BCLAF3: variants seen among roughly 807,000 people sequenced by gnomAD.
The protein encoded by BCLAF3 is BCLAF1 and THRAP3 family member 3, also known as transient octamer binding factor 1.
Under a neutral mutation model 51.2 loss-of-function variants are expected in BCLAF3, and 24 were observed. The ratio of observed to expected loss-of-function variants is 0.47; its 90% CI spans 0.34 to 0.66. The LOEUF is 0.66. Ranked by LOEUF, BCLAF3 falls within the 30% of genes least tolerant of loss-of-function variation. The pLI is 0.01. For missense variants in BCLAF3, 465 were observed against 525.1 expected (o/e 0.89, Z 1.12); for synonymous variants, 152 against 176.6 (o/e 0.86, Z 1.10).
At chrX:19,939,991 C>G (rs1306112188) in intron 8 of BCLAF3, among the ~76,000 whole-genome samples, 2 of 111,969 alleles carry the variant, frequency 1.8e-5, no homozygotes, top group African/African-American at 6.5e-5. Flanking sequence ...TGAAAAAGTT[C>G]TGGAAGTAGA....
At chrX:19,938,060 C>A (rs1298505363) in intron 8 of BCLAF3, among the ~76,000 whole-genome samples, 4 of 111,232 alleles carry the variant, frequency 3.6e-5, no homozygotes. Flanking sequence ...AGCCTCCTCT[C>A]TCCCGTCATC....
chrX:19,988,654 C>A (rs762147650), intron 1 of BCLAF3, among the ~76,000 whole-genome samples: 1 of 111,995 alleles, frequency 8.9e-6, no homozygotes, highest in Non-Finnish European at 1.9e-5. Context: ...ACCAACAAGA[C>A]AAAGTGTGTC....
At chrX:19,953,293 C>T (rs909691604) in intron 6 of BCLAF3, among the ~76,000 whole-genome samples, 11 of 111,270 alleles carry the variant, frequency 9.9e-5, no homozygotes, top group African/African-American at 3.6e-4. Context: ...TCAAACTTTG[C>T]TCTGGTGATA....
At chrX:19,981,804 A>C (rs1245956941) in intron 1 of BCLAF3, among the ~76,000 whole-genome samples, 4 of 111,203 alleles carry the variant, frequency 3.6e-5, no homozygotes, top group African/African-American at 9.8e-5. Flanking sequence ...CCTTTATATG[A>C]AATGTCCAGA....
intron 10 of BCLAF3, among the ~76,000 whole-genome samples, chrX:19,933,458 A>G (rs976375094): frequency 9.0e-6 from 1 of 111,593 alleles, no homozygotes; most frequent in African/African-American, 3.2e-5. Context: ...AATAGTTAAC[A>G]AAACTAAGCA....
At chrX:19,987,605 C>A (rs1473589898) in intron 1 of BCLAF3, among the ~76,000 whole-genome samples, 2 of 112,373 alleles carry the variant, frequency 1.8e-5, no homozygotes, top group East Asian at 5.6e-4. Context: ...GTGCCCGGCA[C>A]CCCCAAACTG....
chrX:19,945,382 G>A lies in BCLAF3; in HGVS notation c.1745+5371C>T, dbSNP rs888900751. 5.6e-4 allele frequency among the ~76,000 whole-genome samples: 60 copies of A among 107,198 alleles called. No homozygotes were observed. The East Asian group carries it at 0.016, about 29-fold the overall frequency. 93.1% of individuals were successfully genotyped at this position (107,198 alleles called of 115,157 possible). A position where few individuals can be genotyped will look rare whatever the true frequency, so the allele number is the denominator to read the frequency against. On this transcript the variant is annotated intron_variant, in intron 8 of 11. Coordinates refer to ENST00000379682, the MANE Select transcript of BCLAF3 (RefSeq NM_001367774.2). Reference sequence around the variant, plus strand: ...TTAGAGTTTCCAGTTTTTCTGTTCTGTTTTTTCCCCATCTTTGTGGTTTTA... The same window carrying A: ...TTAGAGTTTCCAGTTTTTCTGTTCTATTTTTTCCCCATCTTTGTGGTTTTA...
chrX:19,925,415 A>G (rs1325607489), intron 11 of BCLAF3, among the ~76,000 whole-genome samples: 1 of 111,398 alleles, frequency 9.0e-6, no homozygotes, highest in African/African-American at 3.3e-5. Context: ...TTTAAGGCAT[A>G]TGGGAATAAA....
chrX:19,976,642 C>T lies in BCLAF3; in HGVS notation c.-34-6344G>A, dbSNP rs1332782758. Among the ~76,000 whole-genome samples the T allele has an allele frequency of 3.6e-5, 4 of 111,726 alleles. 1 individual carries two copies. The East Asian group carries it at 1.1e-3, about 31-fold the overall frequency. ...CTGACCTCAGGTGATCCACCTGCCTCAGTCTCCCAAAGTGCTGAGATTACA... is the reference window on the plus strand; with the variant it reads ...CTGACCTCAGGTGATCCACCTGCCTTAGTCTCCCAAAGTGCTGAGATTACA... On this transcript the variant is annotated intron_variant, in intron 1 of 11. Transcript: ENST00000379682.
chrX:19,917,112 A>T lies in BCLAF3; in HGVS notation c.*193T>A. 1 of 455,988 alleles carries T rather than the reference A, an allele frequency of 2.2e-6. No individual in the cohort carries two copies. Among genetic ancestry groups the T allele is most frequent in the South Asian group, 3.5e-5 (1 of 28,818 alleles). The allele number at this position is 455,988 out of a possible 1,213,427, so 37.6% of individuals were successfully genotyped here. A position where few individuals can be genotyped will look rare whatever the true frequency, so the allele number is the denominator to read the frequency against. On this transcript the variant is annotated 3_prime_UTR_variant, in exon 12 of 12. Transcript: ENST00000379682. The stretch of plus-strand genomic sequence containing the variant: ...GGAAACTGTAGTTAATACAACTTTT[A>T]AATTGAATACTGTAATTTAAAAGCA...
chrX:19,946,263 C>A (rs777093535), intron 8 of BCLAF3, among the ~76,000 whole-genome samples: 1 of 112,401 alleles, frequency 8.9e-6, no homozygotes, highest in Non-Finnish European at 1.9e-5. Flanking sequence ...AGCTGTAGAC[C>A]GGGGCTGTTC....
In BCLAF3 at chrX:19,917,200, A is replaced by G. The variant is rs1266303766; in HGVS notation, c.*105T>C. 7.1e-6 allele frequency: 5 copies of G among 701,165 alleles called. No individual in the cohort carries two copies. Among genetic ancestry groups the G allele is most frequent in the Non-Finnish European group, 1.1e-5 (5 of 457,326 alleles). The allele number at this position is 701,165 out of a possible 1,213,427, so 57.8% of individuals were successfully genotyped here. A position where few individuals can be genotyped will look rare whatever the true frequency, so the allele number is the denominator to read the frequency against. On this transcript the variant is annotated 3_prime_UTR_variant, in exon 12 of 12. Coordinates refer to ENST00000379682, the MANE Select transcript of BCLAF3 (RefSeq NM_001367774.2). Reference sequence around the variant, plus strand: ...AAAAAATAAAGTTATTTTATCAAGAAGTTACAGTATTAGTGCCTTAGTGTC... The same window carrying G: ...AAAAAATAAAGTTATTTTATCAAGAGGTTACAGTATTAGTGCCTTAGTGTC...
At position 19,964,920 on chromosome X, in the gene BCLAF3, A is replaced by G. The variant is rs774954726; in HGVS notation, c.1274+124T>C. 4.8e-4 allele frequency: 269 copies of G among 565,297 alleles called. 1 individual carries two copies. The highest frequency in any genetic ancestry group is 2.1e-3 in the African/African-American group (85 of 40,405). The allele number at this position is 565,297 out of a possible 1,213,427, so 46.6% of individuals were successfully genotyped here. On this transcript the variant is annotated intron_variant, in intron 4 of 11. Transcript: ENST00000379682. ...CTACAGGGCTTTTTTTTTGGGGGGG[A>G]AAATTCTTGGCAATCCCTCCCACTT...
Position 19,937,507 on chromosome X carries a change from T to A in BCLAF3, c.1771A>T (p.Lys591Ter). ...ERDDQNSSFS[K>*]VKNVHTDGFQ... ...CCATCAGTATGAACATTCTTTACCT[T>A]TGAAAAACTGGAATTCTGATCATCC... The change falls in exon 9 of 12, where the codon AAG (lysine) becomes TAG (stop). Residue 591 changes from lysine (K) to a stop codon, truncating the protein, a stop_gained. Transcript: ENST00000379682. LOFTEE classifies it high-confidence loss of function. 8.8e-7 allele frequency: 1 copy of A among 1,136,698 alleles called. No homozygotes were observed. Among genetic ancestry groups the A allele is most frequent in the Non-Finnish European group, 1.2e-6 (1 of 840,685 alleles). 93.7% of individuals were successfully genotyped at this position (1,136,698 alleles called of 1,213,427 possible). A position where few individuals can be genotyped will look rare whatever the true frequency, so the allele number is the denominator to read the frequency against.
chrX:19,981,723 CACAG>C (rs2072618677), intron 1 of BCLAF3, among the ~76,000 whole-genome samples: 1 of 112,304 alleles, frequency 8.9e-6, no homozygotes, highest in African/African-American at 3.2e-5. Context: ...CATGCTACAA[CACAG>C]ACAAACCTGG....
intron 8 of BCLAF3, among the ~76,000 whole-genome samples, chrX:19,940,272 ATTTAT>A (rs1206238599): frequency 1.7e-4 from 14 of 80,263 alleles, no homozygotes; most frequent in African/African-American, 1.0e-3. Flanking sequence ...TTATTTATTT[ATTTAT>A]TTTTTTTTTT....
intron 4 of BCLAF3, among the ~76,000 whole-genome samples, chrX:19,959,664 G>A (rs2071786832): frequency 9.1e-6 from 1 of 109,572 alleles, no homozygotes; most frequent in South Asian, 4.0e-4. Flanking sequence ...TATAGTCCCA[G>A]CTACTCGAGA....
chrX:19,964,195 T>G (rs1164307836), intron 4 of BCLAF3, among the ~76,000 whole-genome samples: 1 of 111,544 alleles, frequency 9.0e-6, no homozygotes, highest in African/African-American at 3.3e-5. Flanking sequence ...CCCCCCTTTT[T>G]CATTCACATA....
chrX:19,939,607 C>T (rs901037177), intron 8 of BCLAF3, among the ~76,000 whole-genome samples: 1 of 111,572 alleles, frequency 9.0e-6, no homozygotes, highest in Admixed American at 9.6e-5. Context: ...AAAAAGATGA[C>T]AATACCAATA....
Sources: gnomAD v4.1 joint callset for allele counts (sites outside exome capture counted in the v4.1 genomes callset) on GRCh38, gnomAD v4.1.1 for gene constraint, MANE v1.5 for transcripts, NCBI Gene and HGNC (gene_info 2026-07-23, HGNC 2026-07-21) for gene names.